Variants in PIAS2 observed in about 807,000 individuals in gnomAD.
The protein encoded by PIAS2 is protein inhibitor of activated STAT 2.
PIAS2 carries 19 observed loss-of-function variants against 69.7 expected under a neutral mutation model. The observed-to-expected ratio is 0.27, with a 90% CI of 0.19 to 0.40. The LOEUF is 0.40. Ranked by LOEUF, PIAS2 falls within the 10% of genes least tolerant of loss-of-function variation. The pLI is 1.00. For missense variants in PIAS2, 624 were observed against 757.0 expected (o/e 0.82, Z 2.06); for synonymous variants, 261 against 263.2 (o/e 0.99, Z 0.08).
In PIAS2 at chr18:46,836,416, G is replaced by A; in HGVS notation, c.1143C>T (p.Pro381=). Reference sequence around the variant, plus strand: ...TGTCACACACAGGACAAATCCAGGTGGGCTTTTTCTCATTCATTTGTAGAT... The same window carrying A: ...TGTCACACACAGGACAAATCCAGGTAGGCTTTTTCTCATTCATTTGTAGAT... ...ALYLQMNEKK[P]TWICPVCDKK... The change falls in exon 9 of 14, where the codon CCC becomes CCT. Residue 381 remains proline (P), a synonymous_variant. Transcript: ENST00000585916. 1.2e-6 allele frequency: 2 copies of A among 1,613,942 alleles called. No individual in the cohort carries two copies. The highest frequency in any genetic ancestry group is 1.7e-6 in the Non-Finnish European group (2 of 1,179,906).
chr18:46,898,135 G>A (rs2055190910), intron 1 of PIAS2, among the ~76,000 whole-genome samples: 1 of 152,014 alleles, frequency 6.6e-6, no homozygotes, highest in South Asian at 2.1e-4. Flanking sequence ...AATTACAGGT[G>A]TGAGCTACTA....
intron 5 of PIAS2, chr18:46,853,902 T>C (rs1004933945): frequency 9.2e-5 from 14 of 152,380 alleles, no homozygotes; most frequent in African/African-American, 3.4e-4. Flanking sequence ...GTATGGGCCA[T>C]GTAAGCAATC....
chr18:46,827,415 G>C (rs2042979438), intron 11 of PIAS2: 1 of 152,252 alleles, frequency 6.6e-6, no homozygotes. Context: ...AGGGTGAAAA[G>C]GGAAAGGAAT....
At chr18:46,913,879 T>C (rs1171778189) in intron 1 of PIAS2, among the ~76,000 whole-genome samples, 1 of 152,232 alleles carries the variant, frequency 6.6e-6, no homozygotes, top group Admixed American at 6.5e-5. Context: ...CAGAGCTAGC[T>C]GTAACCCAGA....
upstream of PIAS2, chr18:46,920,027 G>A (rs1327967592): frequency 7.0e-6 from 9 of 1,283,502 alleles, no homozygotes; most frequent in Non-Finnish European, 7.1e-6. Flanking sequence ...AAAACAGTAA[G>A]AAAAGAAAAG....
intron 1 of PIAS2, among the ~76,000 whole-genome samples, chr18:46,903,183 C>G (rs933223543): frequency 6.6e-6 from 1 of 151,948 alleles, no homozygotes; most frequent in Non-Finnish European, 1.5e-5. Flanking sequence ...AAGCAAGATC[C>G]ATAAAAGGAA....
intron 1 of PIAS2, among the ~76,000 whole-genome samples, chr18:46,900,776 C>A (rs949708270): frequency 1.3e-5 from 2 of 151,606 alleles, no homozygotes; most frequent in African/African-American, 4.8e-5. Flanking sequence ...GCGTTCAAGA[C>A]CAGCCTGGCC....
intron 2 of PIAS2, among the ~76,000 whole-genome samples, chr18:46,878,157 G>C (rs576303355): frequency 1.9e-4 from 29 of 152,118 alleles, no homozygotes; most frequent in Non-Finnish European, 3.5e-4. Flanking sequence ...TACTATCCAA[G>C]TTATTTAGGA....
At chr18:46,818,353 C>T (rs376973502) in intron 12 of PIAS2, 10 of 1,517,666 alleles carry the variant, frequency 6.6e-6, no homozygotes, top group African/African-American at 1.4e-5. Flanking sequence ...TCCATAAATA[C>T]AAATTATTTG....
In PIAS2 at chr18:46,808,394, A is replaced by T. The variant is rs762257003; in HGVS notation, c.*4039T>A. On this transcript the variant is annotated 3_prime_UTR_variant, in exon 14 of 14. Coordinates refer to ENST00000585916, the MANE Select transcript of PIAS2 (RefSeq NM_004671.5). Reference sequence around the variant, plus strand: ...CATTATTCAACCAGGCAAGCATTAAAGAATGGACATTGGGTACAGCTTTAT... The same window carrying T: ...CATTATTCAACCAGGCAAGCATTAATGAATGGACATTGGGTACAGCTTTAT... The T allele has an allele frequency of 6.6e-6, 1 of 152,260 alleles. No individual in the cohort carries two copies. The highest frequency in any genetic ancestry group is 1.5e-5 in the Non-Finnish European group (1 of 68,040). 9.4% of individuals were successfully genotyped at this position (152,260 alleles called of 1,614,324 possible).
intron 1 of PIAS2, chr18:46,915,171 A>C (rs2146346085): frequency 6.6e-6 from 1 of 152,234 alleles, no homozygotes; most frequent in East Asian, 1.9e-4. Flanking sequence ...TCAAATCTCA[A>C]GCTGTGTGAT....
At chr18:46,914,588 A>T (rs2057614117) in intron 1 of PIAS2, among the ~76,000 whole-genome samples, 1 of 129,708 alleles carries the variant, frequency 7.7e-6, no homozygotes, top group Admixed American at 9.0e-5. Flanking sequence ...CCGACACACA[A>T]GTCTGAAAAG....
intron 2 of PIAS2, among the ~76,000 whole-genome samples, chr18:46,874,431 C>G (rs577952972): frequency 2.0e-5 from 3 of 152,104 alleles, no homozygotes; most frequent in Non-Finnish European, 1.5e-5. Flanking sequence ...CTTCGCTGCA[C>G]GTCATTAAAA....
At position 46,828,116 on chromosome 18, in the gene PIAS2, T is replaced by C; in HGVS notation, c.1351A>G (p.Ser451Gly). Reference sequence around the variant, plus strand: ...GCTACAGTCACTGAACAAGGCTTACTGAGGACGCTTGAACCTGCATGTAAA... The same window carrying C: ...GCTACAGTCACTGAACAAGGCTTACCGAGGACGCTTGAACCTGCATGTAAA... ...CTKIESSSVL[S>G]KPCSVTVASE... The change falls in exon 11 of 14, where the codon AGT becomes GGT. Residue 451 changes from serine (S) to glycine (G), a missense_variant. Physicochemically the swap from Ser to Gly is moderately conservative, Grantham distance 56. Around this residue, in one of 3 missense-constraint regions of PIAS2, gnomAD observed 241 missense variants for 257.3 expected, o/e 0.94. Coordinates refer to ENST00000585916, the MANE Select transcript of PIAS2 (RefSeq NM_004671.5). 1.2e-6 allele frequency: 2 copies of C among 1,606,958 alleles called. No individual in the cohort carries two copies. Among genetic ancestry groups the C allele is most frequent in the East Asian group, 2.2e-5 (1 of 44,796 alleles).
intron 2 of PIAS2, among the ~76,000 whole-genome samples, chr18:46,882,779 A>C (rs2052491140): frequency 1.3e-5 from 2 of 152,240 alleles, no homozygotes; most frequent in African/African-American, 4.8e-5. Context: ...AATACTGTTA[A>C]GAAAGATTGT....
chr18:46,836,311 A>T (rs2044420098), intron 9 of PIAS2, 46 bp downstream of exon 9: 1 of 1,460,070 alleles, frequency 6.8e-7, no homozygotes. Flanking sequence ...CATTGCCAAC[A>T]GCTGTTGTAT....
intron 12 of PIAS2, among the ~76,000 whole-genome samples, chr18:46,820,425 C>T (rs1227953375): frequency 6.6e-6 from 1 of 152,000 alleles, no homozygotes; most frequent in Non-Finnish European, 1.5e-5. Context: ...ACTTATCCCC[C>T]GTGGATAAGG....
At chr18:46,877,453 T>C (rs1323294735) in intron 2 of PIAS2, among the ~76,000 whole-genome samples, 2 of 152,140 alleles carry the variant, frequency 1.3e-5, no homozygotes, top group Non-Finnish European at 2.9e-5. Context: ...CTCTTCCTTA[T>C]TTGGAAAGCG....
At chr18:46,911,222 T>C (rs1020876339) in intron 1 of PIAS2, among the ~76,000 whole-genome samples, 10 of 151,742 alleles carry the variant, frequency 6.6e-5, no homozygotes, top group African/African-American at 2.2e-4. Context: ...TTCTTTTTTT[T>C]TTTTTTTTCC....
Sources: allele counts gnomAD v4.1 joint callset (sites outside exome capture counted in the v4.1 genomes callset), GRCh38; gene constraint gnomAD v4.1.1; regional missense constraint gnomAD v4.1.1; transcripts MANE v1.5; gene names NCBI Gene and HGNC (gene_info 2026-07-23, HGNC 2026-07-21).